The following CLIP1 variants were observed in gnomAD, a reference collection of about 807,000 sequenced individuals.
CLIP1 encodes the protein CAP-Gly domain-containing linker protein 1.
A neutral mutation model predicts 161.6 loss-of-function variants in CLIP1; 66 were observed. The ratio of observed to expected loss-of-function variants is 0.41; its 90% CI spans 0.33 to 0.50. The LOEUF is 0.50. Ranked by LOEUF, CLIP1 falls within the 20% of genes least tolerant of loss-of-function variation. CLIP1 has a pLI of 0.27. For synonymous variants in CLIP1, 598 were observed against 626.2 expected, an observed-to-expected ratio of 0.96 and a Z score of 0.67; for missense variants, 1,376 against 1,702.0, an observed-to-expected ratio of 0.81 and a Z score of 3.37.
rs777280713 is a variant in CLIP1, at chr12:122,288,549, A to G, written c.3595-8T>C. 6.2e-7 allele frequency: 1 copy of G among 1,603,746 alleles called. No individual in the cohort carries two copies. Among genetic ancestry groups the G allele is most frequent in the Non-Finnish European group, 8.5e-7 (1 of 1,179,228 alleles). ...AGATCTTTCTTCTTCCAGCTAGGAA[A>G]AAAACACAAAAAACTTCAGTTCATA... On this transcript the variant is annotated splice_polypyrimidine_tract_variant and splice_region_variant and intron_variant, in intron 20 of 25. Coordinates refer to ENST00000620786, the MANE Select transcript of CLIP1 (RefSeq NM_001247997.2).
At chr12:122,409,784 GGCCTCCCAAAGT>G (rs1270354744) in intron 1 of CLIP1, among the ~76,000 whole-genome samples, 1 of 151,918 alleles carries the variant, frequency 6.6e-6, no homozygotes, top group Non-Finnish European at 1.5e-5. Context: ...TACCCACCTT[GGCCTCCCAAAGT>G]GCTAAGATGA....
intron 3 of CLIP1, among the ~76,000 whole-genome samples, chr12:122,373,642 C>T (rs1954569303): frequency 6.6e-6 from 1 of 151,982 alleles, no homozygotes; most frequent in Non-Finnish European, 1.5e-5. Flanking sequence ...ATTTATACCC[C>T]TTGACTCAAA....
chr12:122,387,865 C>T (rs893477754), intron 1 of CLIP1, among the ~76,000 whole-genome samples: 3 of 151,846 alleles, frequency 2.0e-5, no homozygotes, highest in East Asian at 1.9e-4. Flanking sequence ...GGATTAAAGG[C>T]GTGAACCACT....
chr12:122,288,115 C>T (rs1329950778), intron 21 of CLIP1, among the ~76,000 whole-genome samples: 1 of 152,040 alleles, frequency 6.6e-6, no homozygotes, highest in Admixed American at 6.6e-5. Flanking sequence ...TCACTGCAAC[C>T]TCCGCTTCCC....
At chr12:122,412,060 CTTTTTTTTTTTT>C (rs71082989) in intron 1 of CLIP1, among the ~76,000 whole-genome samples, 4 of 81,598 alleles carry the variant, frequency 4.9e-5, no homozygotes, top group Non-Finnish European at 9.3e-5. Context: ...CAGTTATTTT[CTTTTTTTTTTTT>C]TTTTTTTTTT....
chr12:122,387,741 C>A (rs1185411263), intron 1 of CLIP1, among the ~76,000 whole-genome samples: 2 of 150,882 alleles, frequency 1.3e-5, no homozygotes, highest in Non-Finnish European at 3.0e-5. Flanking sequence ...CACACACCAC[C>A]ATGCTTGGCC....
chr12:122,308,279 C>T (rs1950947198), intron 20 of CLIP1, among the ~76,000 whole-genome samples: 1 of 152,144 alleles, frequency 6.6e-6, no homozygotes, highest in Non-Finnish European at 1.5e-5. Flanking sequence ...TTTATGGAAC[C>T]CACTCTCTCT....
intron 1 of CLIP1, among the ~76,000 whole-genome samples, chr12:122,402,150 A>C (rs1956165328): frequency 6.6e-6 from 1 of 152,218 alleles, no homozygotes; most frequent in African/African-American, 2.4e-5. Context: ...ATGAAAAAGA[A>C]TCATGTGAAA....
intron 3 of CLIP1, among the ~76,000 whole-genome samples, chr12:122,371,421 G>A (rs961711579): frequency 1.3e-5 from 2 of 152,088 alleles, no homozygotes; most frequent in East Asian, 1.9e-4. Flanking sequence ...AGAAACCACC[G>A]CCCAATTACT....
At chr12:122,358,975 C>T (rs1402875272) in intron 5 of CLIP1, among the ~76,000 whole-genome samples, 4 of 152,152 alleles carry the variant, frequency 2.6e-5, no homozygotes, top group African/African-American at 9.7e-5. Flanking sequence ...GCAGGAAAAT[C>T]GCTTGAACCC....
intron 1 of CLIP1, among the ~76,000 whole-genome samples, chr12:122,406,143 T>C (rs189143778): frequency 1.3e-5 from 2 of 152,068 alleles, no homozygotes; most frequent in Admixed American, 1.3e-4. Context: ...GTAATCACTG[T>C]TTATTTAAAA....
chr12:122,402,349 G>A (rs772195231), intron 1 of CLIP1, among the ~76,000 whole-genome samples: 29 of 152,120 alleles, frequency 1.9e-4, no homozygotes, highest in Non-Finnish European at 4.0e-4. Context: ...TTAGCTGGGT[G>A]TAGTGGCACA....
intron 24 of CLIP1, chr12:122,277,547 C>A (rs1212480206): frequency 1.3e-5 from 2 of 152,014 alleles, no homozygotes; most frequent in African/African-American, 4.8e-5. Flanking sequence ...ACTGAGTTTT[C>A]AAGAAACCAG....
In CLIP1 at chr12:122,404,919, A is replaced by C. The variant is rs1012123978; in HGVS notation, c.-107+17602T>G. On this transcript the variant is annotated intron_variant, in intron 1 of 25. Coordinates refer to ENST00000620786, the MANE Select transcript of CLIP1 (RefSeq NM_001247997.2). The stretch of plus-strand genomic sequence containing the variant: ...CATCTCAAAAAAAAAAAACAAAACA[A>C]AAAAAAACCAACATGGTGCCATGTG... Among the ~76,000 whole-genome samples the C allele has an allele frequency of 1.7e-4, 26 of 151,504 alleles. 1 individual carries two copies. Among genetic ancestry groups the C allele is most frequent in the Non-Finnish European group, 2.8e-4 (19 of 67,836 alleles).
At chr12:122,385,293 G>T (rs1206713452) in intron 1 of CLIP1, among the ~76,000 whole-genome samples, 1 of 152,048 alleles carries the variant, frequency 6.6e-6, no homozygotes, top group East Asian at 1.9e-4. Context: ...ATCTGAGATG[G>T]GTAAAAAGGG....
intron 20 of CLIP1, among the ~76,000 whole-genome samples, chr12:122,292,423 T>A (rs1238859523): frequency 6.6e-6 from 1 of 152,206 alleles, no homozygotes; most frequent in Non-Finnish European, 1.5e-5. Flanking sequence ...AGTGGGAGCT[T>A]CTTCAAGATG....
intron 1 of CLIP1, among the ~76,000 whole-genome samples, chr12:122,403,498 TG>T (rs367957161): frequency 0.21 from 12,833 of 59,800 alleles, 509 homozygotes; most frequent in South Asian, 0.31. Context: ...TTTCTTGTTT[TG>T]TTTTTTTTTT....
chr12:122,357,819 G>C (rs926793717), intron 5 of CLIP1, among the ~76,000 whole-genome samples: 8 of 150,824 alleles, frequency 5.3e-5, no homozygotes, highest in African/African-American at 1.5e-4. Flanking sequence ...GAGGTGGGGG[G>C]GGTCAGCCCC....
chr12:122,405,371 A>G (rs752078634), intron 1 of CLIP1, among the ~76,000 whole-genome samples: 15 of 152,216 alleles, frequency 9.9e-5, no homozygotes, highest in Admixed American at 1.3e-4. Flanking sequence ...TAGGACCACT[A>G]AGATCTATTT....
Sources: gnomAD v4.1 joint callset for allele counts (sites outside exome capture counted in the v4.1 genomes callset) on GRCh38, gnomAD v4.1.1 for gene constraint, MANE v1.5 for transcripts, NCBI Gene and HGNC (gene_info 2026-07-23, HGNC 2026-07-21) for gene names.